R3HDM2: variants seen among roughly 807,000 people sequenced by gnomAD.
The protein encoded by R3HDM2 is R3H domain containing 2, also known as R3H domain-containing protein 2.
In R3HDM2, 38 loss-of-function variants were observed where a neutral mutation model predicts 124.5. That is an observed-to-expected ratio of 0.31 (90% CI 0.24 to 0.40). R3HDM2 has a LOEUF of 0.40. Ranked by LOEUF, R3HDM2 falls within the 10% of genes least tolerant of loss-of-function variation. The pLI is 1.00. For missense variants in R3HDM2, 869 were observed against 1,236.9 expected (o/e 0.70, Z 4.46); for synonymous variants, 391 against 448.0 (o/e 0.87, Z 1.61).
chr12:57,422,822 T>C (rs1276868284), intron 1 of R3HDM2, among the ~76,000 whole-genome samples: 1 of 151,316 alleles, frequency 6.6e-6, no homozygotes, highest in African/African-American at 2.4e-5. Flanking sequence ...CTCTACAAAA[T>C]TAAAAAATAA....
intron 14 of R3HDM2, among the ~76,000 whole-genome samples, chr12:57,273,628 T>C (rs1592571642): frequency 6.6e-6 from 1 of 152,240 alleles, no homozygotes; most frequent in East Asian, 1.9e-4. Flanking sequence ...ACACAGTTAA[T>C]ATGGCAGAGC....
intron 19 of R3HDM2, among the ~76,000 whole-genome samples, chr12:57,261,169 C>T (rs1482062751): frequency 2.6e-5 from 4 of 152,186 alleles, no homozygotes; most frequent in Non-Finnish European, 5.9e-5. Context: ...TCCTAAGAAT[C>T]GCTCACCTGC....
chr12:57,276,342 C>T (rs190368024), intron 14 of R3HDM2, among the ~76,000 whole-genome samples: 4 of 152,120 alleles, frequency 2.6e-5, no homozygotes, highest in South Asian at 4.2e-4. Flanking sequence ...TATAGCAGCA[C>T]GATTCACAAT....
intron 2 of R3HDM2, among the ~76,000 whole-genome samples, chr12:57,388,996 CTCATA>C (rs2066285052): frequency 6.6e-6 from 1 of 152,152 alleles, no homozygotes; most frequent in Non-Finnish European, 1.5e-5. Flanking sequence ...TCAATCCTTT[CTCATA>C]TAATACTTTT....
chr12:57,356,516 T>C (rs2061315150), intron 2 of R3HDM2, among the ~76,000 whole-genome samples: 1 of 152,226 alleles, frequency 6.6e-6, no homozygotes, highest in South Asian at 2.1e-4. Context: ...GATTTTTGTA[T>C]CCACGTACAC....
At chr12:57,289,247 T>A (rs955630046) in intron 11 of R3HDM2, among the ~76,000 whole-genome samples, 2 of 152,116 alleles carry the variant, frequency 1.3e-5, no homozygotes, top group African/African-American at 4.8e-5. Context: ...ATCTGGTGGT[T>A]TTAGCCTTTG....
chr12:57,395,611 T>C (rs1329347823), intron 2 of R3HDM2, 138 bp downstream of exon 2: 4 of 233,908 alleles, frequency 1.7e-5, no homozygotes, highest in Non-Finnish European at 2.8e-5. Flanking sequence ...TCTCTGCATC[T>C]CAATTTCTTC....
At chr12:57,394,402 A>G (rs1241880499) in intron 2 of R3HDM2, among the ~76,000 whole-genome samples, 1 of 152,028 alleles carries the variant, frequency 6.6e-6, no homozygotes, top group Non-Finnish European at 1.5e-5. Context: ...TGAGGTCAGG[A>G]GTTCTAGACC....
chr12:57,290,940 G>A (rs2048445742), intron 11 of R3HDM2, among the ~76,000 whole-genome samples: 1 of 152,092 alleles, frequency 6.6e-6, no homozygotes, highest in African/African-American at 2.4e-5. Flanking sequence ...CCACCAACCT[G>A]TTCCGTACAC....
chr12:57,428,726 A>T (rs1868692475), intron 1 of R3HDM2, among the ~76,000 whole-genome samples: 1 of 150,842 alleles, frequency 6.6e-6, no homozygotes, highest in South Asian at 2.1e-4. Context: ...ATTTTCCATT[A>T]AAAAATATTA....
At chr12:57,261,217 A>T (rs746765059) in intron 19 of R3HDM2, among the ~76,000 whole-genome samples, 1 of 152,224 alleles carries the variant, frequency 6.6e-6, no homozygotes, top group Non-Finnish European at 1.5e-5. Context: ...AATTGACCTT[A>T]TTCAAATACC....
chr12:57,374,422 G>A (rs2063761998), intron 2 of R3HDM2, among the ~76,000 whole-genome samples: 1 of 151,838 alleles, frequency 6.6e-6, no homozygotes, highest in South Asian at 2.1e-4. Flanking sequence ...GGGCGTGGTG[G>A]CTCACGTCTG....
At chr12:57,385,560 C>T (rs1594278098) in intron 2 of R3HDM2, among the ~76,000 whole-genome samples, 2 of 151,866 alleles carry the variant, frequency 1.3e-5, no homozygotes, top group East Asian at 3.9e-4. Flanking sequence ...AGACTTTTAT[C>T]TGGGGGTGGT....
chr12:57,296,263 C>T lies in R3HDM2; in HGVS notation c.701+148G>A. ...GAACTCCTGGCTTCAAGCAGTCTTCCCATCTTGGCCTCCCAAAGTGCTGGG... is the reference window on the plus strand; with the variant it reads ...GAACTCCTGGCTTCAAGCAGTCTTCTCATCTTGGCCTCCCAAAGTGCTGGG... On this transcript the variant is annotated intron_variant, in intron 9 of 23. Coordinates refer to ENST00000402412, the MANE Select transcript of R3HDM2 (RefSeq NM_001394031.1). The surrounding 1 kb of genome is among the most constrained non-coding windows in gnomAD (Gnocchi z 4.5). 1.2e-6 allele frequency: 1 copy of T among 846,362 alleles called. No individual in the cohort carries two copies. The highest frequency in any genetic ancestry group is 1.8e-6 in the Non-Finnish European group (1 of 551,436). The allele number at this position is 846,362 out of a possible 1,614,324, so 52.4% of individuals were successfully genotyped here.
At chr12:57,287,270 T>G (rs568325854) in intron 12 of R3HDM2, among the ~76,000 whole-genome samples, 1 of 152,352 alleles carries the variant, frequency 6.6e-6, no homozygotes, top group African/African-American at 2.4e-5. Context: ...CACTGTGCAT[T>G]AATTCACACA....
At chr12:57,415,577 G>T (rs566936498) in intron 1 of R3HDM2, among the ~76,000 whole-genome samples, 1 of 10,576 alleles carries the variant, frequency 9.5e-5, no homozygotes, top group Non-Finnish European at 5.3e-4. Context: ...AAGGCCAGGG[G>T]TGGAAAAAAA....
At chr12:57,298,217 A>G (rs1481701212) in intron 6 of R3HDM2, 49 bp from the exon 7 acceptor site, 3 of 1,362,154 alleles carry the variant, frequency 2.2e-6, no homozygotes, top group Non-Finnish European at 3.1e-6. Context: ...ACTGCTTTGC[A>G]TGCTATCTAA....
At chr12:57,379,759 C>T (rs1395700594) in intron 2 of R3HDM2, among the ~76,000 whole-genome samples, 1 of 151,936 alleles carries the variant, frequency 6.6e-6, no homozygotes, top group Non-Finnish European at 1.5e-5. Context: ...ATTCCAACAT[C>T]AAAATATAAG....
intron 2 of R3HDM2, among the ~76,000 whole-genome samples, chr12:57,393,461 C>T (rs1246120093): frequency 6.6e-6 from 1 of 152,026 alleles, no homozygotes; most frequent in Non-Finnish European, 1.5e-5. Flanking sequence ...GCCTGGGCAA[C>T]ACAGCAAGAC....
Sources: allele counts gnomAD v4.1 joint callset (sites outside exome capture counted in the v4.1 genomes callset), GRCh38; gene constraint gnomAD v4.1.1; non-coding constraint Gnocchi (gnomAD v3.1); transcripts MANE v1.5; gene names NCBI Gene and HGNC (gene_info 2026-07-23, HGNC 2026-07-21).